Variants in GRM7 observed in about 807,000 individuals in gnomAD.
The protein encoded by GRM7 is glutamate metabotropic receptor 7.
In GRM7, 35 loss-of-function variants were observed where a neutral mutation model predicts 84.5. That is an observed-to-expected ratio of 0.41 (90% confidence interval 0.32 to 0.55). GRM7 has a LOEUF of 0.55. Ranked by LOEUF, GRM7 falls within the 20% of genes least tolerant of loss-of-function variation. The pLI, the probability that GRM7 is intolerant of heterozygous loss-of-function variation, is 0.19. For synonymous variants in GRM7, 487 were observed against 455.1 expected, an observed-to-expected ratio of 1.07 and a Z score of -0.89; for missense variants, 1,003 against 1,194.6, an observed-to-expected ratio of 0.84 and a Z score of 2.36.
intron 2 of GRM7, among the ~76,000 whole-genome samples, chr3:7,248,532 C>T (rs1432726899): frequency 1.3e-5 from 2 of 151,970 alleles, no homozygotes; most frequent in Non-Finnish European, 2.9e-5. Context: ...TTGGTGGTTA[C>T]ACATTTGTCA....
chr3:7,303,556 A>G (rs542924730), intron 3 of GRM7, among the ~76,000 whole-genome samples: 1 of 152,306 alleles, frequency 6.6e-6, no homozygotes, highest in East Asian at 1.9e-4. Flanking sequence ...TTGTGATTAT[A>G]TAAATATGAT....
chr3:7,673,640 G>C (rs569163732), intron 8 of GRM7, among the ~76,000 whole-genome samples: 1 of 152,224 alleles, frequency 6.6e-6, no homozygotes, highest in Non-Finnish European at 1.5e-5. Flanking sequence ...AAAGTGACCT[G>C]AAATTTTTTT....
intron 7 of GRM7, among the ~76,000 whole-genome samples, chr3:7,483,345 G>A (rs540479763): frequency 1.3e-5 from 2 of 152,306 alleles, no homozygotes; most frequent in East Asian, 1.9e-4. Flanking sequence ...TGAACATGAC[G>A]GTTGATTTGA....
rs1230655266 is a variant in GRM7 at position 6,928,721 on chromosome 3, GC to G, written c.519+66815del. On this transcript the variant is annotated intron_variant, in intron 1 of 9. Transcript: ENST00000357716. The surrounding 1 kb of genome is among the most constrained non-coding windows in gnomAD (Gnocchi z 4.5). ...TTGGCCTCCAATTTATCACTAAATG[GC>G]TTTTCCATGGATTGCAATCATTGAA... Among the ~76,000 whole-genome samples, 69 of 152,136 alleles carry G rather than the reference GC, an allele frequency of 4.5e-4. No homozygotes were observed. Among genetic ancestry groups the G allele is most frequent in the African/African-American group, 1.7e-3 (69 of 41,416 alleles).
intron 4 of GRM7, among the ~76,000 whole-genome samples, chr3:7,326,067 T>G (rs1174118245): frequency 9.3e-6 from 1 of 107,444 alleles, no homozygotes; most frequent in Non-Finnish European, 1.7e-5. Context: ...CCCCAAAGCA[T>G]GAACACTACT....
intron 7 of GRM7, among the ~76,000 whole-genome samples, chr3:7,522,863 G>A (rs1428979563): frequency 6.6e-6 from 1 of 152,002 alleles, no homozygotes; most frequent in South Asian, 2.1e-4. Flanking sequence ...ATAAAGCTGT[G>A]CCCCTTATGA....
intron 1 of GRM7, among the ~76,000 whole-genome samples, chr3:7,125,488 C>A (rs1282047075): frequency 6.6e-6 from 1 of 152,136 alleles, no homozygotes; most frequent in Non-Finnish European, 1.5e-5. Flanking sequence ...TTAAAAAAAT[C>A]CCTTTGCATA....
intron 1 of GRM7, among the ~76,000 whole-genome samples, chr3:6,979,849 C>G (rs545494007): frequency 3.9e-5 from 6 of 152,252 alleles, no homozygotes; most frequent in African/African-American, 1.4e-4. Context: ...AGGTTATTAT[C>G]TGTGATTATC....
intron 5 of GRM7, among the ~76,000 whole-genome samples, chr3:7,439,906 G>C (rs1697218110): frequency 6.6e-6 from 1 of 151,834 alleles, no homozygotes; most frequent in Non-Finnish European, 1.5e-5. Flanking sequence ...TATTACTTCT[G>C]CTTAATAGAG....
chr3:7,370,015 G>A (rs1694065923), intron 4 of GRM7, among the ~76,000 whole-genome samples: 1 of 152,098 alleles, frequency 6.6e-6, no homozygotes, highest in Non-Finnish European at 1.5e-5. Flanking sequence ...ATAACAGCAA[G>A]GCAAGTGTTG....
intron 1 of GRM7, among the ~76,000 whole-genome samples, chr3:7,022,146 G>A (rs1455256696): frequency 6.6e-6 from 1 of 151,886 alleles, no homozygotes; most frequent in African/African-American, 2.4e-5. Context: ...GTACAACATG[G>A]TGATACCCAG....
At chr3:7,400,603 A>G (rs1028635341) in intron 4 of GRM7, among the ~76,000 whole-genome samples, 11 of 152,202 alleles carry the variant, frequency 7.2e-5, no homozygotes, top group African/African-American at 2.2e-4. Flanking sequence ...AGTCCTTCCT[A>G]TCTGTATGAG....
chr3:7,049,648 T>C (rs1389038663), intron 1 of GRM7, among the ~76,000 whole-genome samples: 5 of 151,846 alleles, frequency 3.3e-5, no homozygotes, highest in Admixed American at 1.3e-4. Context: ...GAGAAAAGCG[T>C]TCGTGAGGAA....
intron 9 of GRM7, among the ~76,000 whole-genome samples, chr3:7,695,225 A>C (rs1361146915): frequency 6.6e-6 from 1 of 152,156 alleles, no homozygotes; most frequent in African/African-American, 2.4e-5. Flanking sequence ...AGCTGAAGTT[A>C]ATTGCTGAGC....
intron 1 of GRM7, among the ~76,000 whole-genome samples, chr3:7,053,579 A>AT (rs1559408657): frequency 6.6e-6 from 1 of 151,424 alleles, no homozygotes; most frequent in Non-Finnish European, 1.5e-5. Flanking sequence ...GCTGAAGTTA[A>AT]TTTTTTCTAT....
intron 1 of GRM7, among the ~76,000 whole-genome samples, chr3:6,929,987 T>C (rs1308681656): frequency 1.3e-5 from 2 of 152,166 alleles, no homozygotes; most frequent in African/African-American, 2.4e-5. Flanking sequence ...AATCATTTGA[T>C]TTTCCCCAAC....
At chr3:7,440,519 T>A (rs940445466) in intron 5 of GRM7, among the ~76,000 whole-genome samples, 4 of 152,166 alleles carry the variant, frequency 2.6e-5, no homozygotes, top group African/African-American at 9.7e-5. Context: ...TAATTTGAGT[T>A]TAGTTTCAAG....
intron 7 of GRM7, among the ~76,000 whole-genome samples, chr3:7,500,765 A>T (rs1699858280): frequency 6.6e-6 from 1 of 152,198 alleles, no homozygotes; most frequent in African/African-American, 2.4e-5. Context: ...ATCAAGCATG[A>T]CTAGGGCAGA....
At chr3:7,239,053 G>A (rs1384175552) in intron 2 of GRM7, among the ~76,000 whole-genome samples, 1 of 132,958 alleles carries the variant, frequency 7.5e-6, no homozygotes, top group Non-Finnish European at 1.5e-5. Flanking sequence ...GAACACTGGT[G>A]CAATCATGAC....
Sources: gnomAD v4.1 joint callset for allele counts (sites outside exome capture counted in the v4.1 genomes callset) on GRCh38, gnomAD v4.1.1 for gene constraint, Gnocchi (gnomAD v3.1) non-coding constraint, MANE v1.5 for transcripts, NCBI Gene and HGNC (gene_info 2026-07-23, HGNC 2026-07-21) for gene names.